TMEM44: variants seen among roughly 807,000 people sequenced by gnomAD.
The protein encoded by TMEM44 is transmembrane protein 44.
TMEM44 carries 43 observed loss-of-function variants against 47.8 expected under a neutral mutation model. The observed-to-expected ratio is 0.90, with a 90% CI of 0.70 to 1.16. TMEM44 has a LOEUF of 1.16. Ranked by LOEUF, TMEM44 falls within the 50% of genes most tolerant of loss-of-function variation. The pLI, the probability that TMEM44 is intolerant of heterozygous loss-of-function variation, is 0.00. For synonymous variants in TMEM44, 277 were observed against 238.8 expected (o/e 1.16, Z -1.48); for missense variants, 568 against 555.2 (o/e 1.02, Z -0.23).
intron 2 of TMEM44, among the ~76,000 whole-genome samples, chr3:194,627,313 A>C (rs898826): frequency 0.79 from 120,771 of 152,096 alleles, 48,225 homozygotes; most frequent in East Asian, 0.97. Flanking sequence ...GTGCTCTGCC[A>C]ACTGAGCTGC....
At chr3:194,617,744 T>C (rs1716089263) in intron 5 of TMEM44, 1 of 703,986 alleles carries the variant, frequency 1.4e-6, no homozygotes, top group Admixed American at 2.0e-5. Flanking sequence ...AGATCTCATG[T>C]TGAGTCGTAA....
intron 7 of TMEM44, among the ~76,000 whole-genome samples, chr3:194,612,487 C>T (rs1457423884): frequency 2.0e-5 from 3 of 151,946 alleles, no homozygotes; most frequent in Admixed American, 1.3e-4. Context: ...TTGTTTTTGT[C>T]GGTCCAAATG....
intron 8 of TMEM44, among the ~76,000 whole-genome samples, chr3:194,608,756 T>C (rs1351461418): frequency 6.6e-6 from 1 of 152,184 alleles, no homozygotes; most frequent in East Asian, 1.9e-4. Flanking sequence ...TGGTCCAGGC[T>C]GGTCTCGAAC....
chr3:194,600,922 A>G (rs1714025362), intron 9 of TMEM44, among the ~76,000 whole-genome samples: 1 of 152,206 alleles, frequency 6.6e-6, no homozygotes, highest in Non-Finnish European at 1.5e-5. Flanking sequence ...TGAGTTTGGT[A>G]TTAAGCTATC....
chr3:194,630,342 C>T (rs1173925244), intron 1 of TMEM44, among the ~76,000 whole-genome samples: 2 of 77,368 alleles, frequency 2.6e-5, no homozygotes, highest in Admixed American at 1.4e-4. Flanking sequence ...TGATAGGGCC[C>T]CTGAAATGAT....
At chr3:194,631,422 GGTGGATGA>G (rs1486879471) in intron 1 of TMEM44, among the ~76,000 whole-genome samples, 2 of 152,176 alleles carry the variant, frequency 1.3e-5, no homozygotes, top group African/African-American at 4.8e-5. Flanking sequence ...CCTTGGGAAT[GGTGGATGA>G]GTACAGAGGG....
At chr3:194,593,276 G>T (rs1002465889) in intron 9 of TMEM44, among the ~76,000 whole-genome samples, 2 of 152,062 alleles carry the variant, frequency 1.3e-5, no homozygotes, top group African/African-American at 4.8e-5. Context: ...AATGATCAAT[G>T]AGATAGTTAT....
Position 194,617,284 on chromosome 3 carries a change from G to T in TMEM44, c.613-15C>A, listed in dbSNP as rs1016376205. 1 of 1,501,974 alleles carries T rather than the reference G, an allele frequency of 6.7e-7. No individual in the cohort carries two copies. Among genetic ancestry groups the T allele is most frequent in the African/African-American group, 1.4e-5 (1 of 71,698 alleles). The allele number at this position is 1,501,974 out of a possible 1,614,324, so 93.0% of individuals were successfully genotyped here. A position where few individuals can be genotyped will look rare whatever the true frequency, so the allele number is the denominator to read the frequency against. On this transcript the variant is annotated splice_polypyrimidine_tract_variant and intron_variant, in intron 5 of 9. Coordinates refer to ENST00000347147, the MANE Select transcript of TMEM44 (RefSeq NM_001011655.3). ...TTCCCCCGGCACTGGGCAGAGAGAG[G>T]GAGGGGCTGGGCGGGAGAAGCAGCA...
chr3:194,609,597 G>A (rs1577186762), intron 8 of TMEM44, among the ~76,000 whole-genome samples: 1 of 152,078 alleles, frequency 6.6e-6, no homozygotes, highest in South Asian at 2.1e-4. Context: ...TGAACTTCTC[G>A]TCACCTCTTT....
chr3:194,632,315 G>A (rs1717908698), intron 1 of TMEM44, among the ~76,000 whole-genome samples: 1 of 152,226 alleles, frequency 6.6e-6, no homozygotes, highest in Non-Finnish European at 1.5e-5. Flanking sequence ...AATATCCACT[G>A]AGTGCCTACA....
At chr3:194,626,159 C>T (rs1717159063) in intron 2 of TMEM44, among the ~76,000 whole-genome samples, 169 bp from the exon 3 acceptor site, 1 of 152,180 alleles carries the variant, frequency 6.6e-6, no homozygotes, top group African/African-American at 2.4e-5. Context: ...TTATCATGTC[C>T]ACTTGGCTGA....
At chr3:194,615,479 ACGTC>A (rs1377958318) in intron 7 of TMEM44, 86 bp downstream of exon 7, 1 of 1,516,638 alleles carries the variant, frequency 6.6e-7, no homozygotes. Flanking sequence ...CAGCTTTCAC[ACGTC>A]CGTCCGCAGT....
At chr3:194,595,905 G>A (rs1250464255) in intron 9 of TMEM44, among the ~76,000 whole-genome samples, 3 of 152,098 alleles carry the variant, frequency 2.0e-5, no homozygotes, top group Admixed American at 6.6e-5. Flanking sequence ...GATTACAAGC[G>A]TGAGCCACCG....
chr3:194,603,037 GCAC>G (rs1714330919), intron 9 of TMEM44, among the ~76,000 whole-genome samples: 2 of 152,160 alleles, frequency 1.3e-5, no homozygotes, highest in South Asian at 4.1e-4. Flanking sequence ...TCCTCTCCCC[GCAC>G]CAAAAGACAG....
intron 9 of TMEM44, among the ~76,000 whole-genome samples, chr3:194,603,572 G>A (rs2002246): frequency 0.13 from 19,294 of 151,934 alleles, 2,764 homozygotes; most frequent in African/African-American, 0.36. Flanking sequence ...TAATTTTTGT[G>A]TTTTTAGTAG....
intron 9 of TMEM44, among the ~76,000 whole-genome samples, chr3:194,600,045 C>T (rs140861085): frequency 6.6e-6 from 1 of 152,106 alleles, no homozygotes; most frequent in East Asian, 1.9e-4. Context: ...CAGGTGTGAG[C>T]CACCAAGCCC....
chr3:194,600,482 C>T (rs570355045), intron 9 of TMEM44, among the ~76,000 whole-genome samples: 44 of 150,332 alleles, frequency 2.9e-4, no homozygotes, highest in Non-Finnish European at 5.3e-4. Flanking sequence ...GGCAAGGTGG[C>T]TCACGCCTGT....
chr3:194,620,151 C>T (rs1049769402), intron 5 of TMEM44, among the ~76,000 whole-genome samples: 1 of 151,826 alleles, frequency 6.6e-6, no homozygotes, highest in Non-Finnish European at 1.5e-5. Flanking sequence ...ATTAGCTGGG[C>T]GTGGTGGTGC....
chr3:194,629,009 C>T (rs929585460), intron 1 of TMEM44, among the ~76,000 whole-genome samples: 2 of 151,952 alleles, frequency 1.3e-5, no homozygotes, highest in African/African-American at 4.8e-5. Flanking sequence ...ACTAAAAATA[C>T]AAAAATTAGC....
Sources: allele counts gnomAD v4.1 joint callset (sites outside exome capture counted in the v4.1 genomes callset), GRCh38; gene constraint gnomAD v4.1.1; transcripts MANE v1.5; gene names NCBI Gene and HGNC (gene_info 2026-07-23, HGNC 2026-07-21).